Variants in CSMD1 observed in about 807,000 individuals in gnomAD.
CSMD1 encodes CUB and Sushi multiple domains 1, also known as CUB and sushi domain-containing protein 1.
Under a neutral mutation model 417.5 loss-of-function variants are expected in CSMD1, and 213 were observed. The ratio of observed to expected loss-of-function variants is 0.51; its 90% confidence interval spans 0.46 to 0.57. The LOEUF (loss-of-function observed/expected upper bound fraction) is 0.57, where lower values mean the gene tolerates loss of function less well. CSMD1 is among the 20% of genes least tolerant of loss of function. CSMD1 has a pLI of 0.00. For synonymous variants in CSMD1, 2,862 were observed against 1,736.8 expected, an observed-to-expected ratio of 1.65 and a Z score of -16.11; for missense variants, 6,923 against 4,529.7, an observed-to-expected ratio of 1.53 and a Z score of -15.17.
chr8:4,293,317 C>T (rs1222024638), intron 3 of CSMD1, among the ~76,000 whole-genome samples: 4 of 152,098 alleles, frequency 2.6e-5, no homozygotes, highest in East Asian at 1.9e-4. Flanking sequence ...GAGAAACTGA[C>T]GATGCTGAAA....
At chr8:3,669,848 C>T (rs774121453) in intron 7 of CSMD1, among the ~76,000 whole-genome samples, 6 of 152,096 alleles carry the variant, frequency 3.9e-5, no homozygotes, top group Middle Eastern at 3.2e-3. Context: ...TGATGTCAGC[C>T]ATGAACAGGA....
At chr8:4,214,976 G>A (rs553612764) in intron 3 of CSMD1, among the ~76,000 whole-genome samples, 2 of 152,252 alleles carry the variant, frequency 1.3e-5, no homozygotes, top group East Asian at 1.9e-4. Context: ...TACAGGCACA[G>A]CTTACTCTGT....
chr8:4,486,880 G>A (rs989002949), intron 2 of CSMD1, among the ~76,000 whole-genome samples: 1 of 152,110 alleles, frequency 6.6e-6, no homozygotes, highest in South Asian at 2.1e-4. Flanking sequence ...TTGCACCTAA[G>A]ATAAAAAGCA....
rs576218290 is a variant in CSMD1, at chr8:3,268,247, C to T, written c.4153+15897G>A. Reference sequence around the variant, plus strand: ...CATCATGCACACAATGAGGCCAGGGCGACTTTCTCCCATCAGGGTGTGGTC... The same window carrying T: ...CATCATGCACACAATGAGGCCAGGGTGACTTTCTCCCATCAGGGTGTGGTC... On this transcript the variant is annotated intron_variant, in intron 26 of 69. Coordinates refer to ENST00000635120, the MANE Select transcript of CSMD1 (RefSeq NM_033225.6). 7.6e-4 allele frequency among the ~76,000 whole-genome samples: 99 copies of T among 129,486 alleles called. No individual in the cohort carries two copies. In the East Asian group the frequency reaches 0.014, roughly 19 times the overall value. 84.9% of individuals were successfully genotyped at this position (129,486 alleles called of 152,430 possible).
At chr8:3,034,122 T>C (rs77631431) in intron 50 of CSMD1, among the ~76,000 whole-genome samples, 7 of 152,224 alleles carry the variant, frequency 4.6e-5, no homozygotes, top group Non-Finnish European at 1.0e-4. Flanking sequence ...GGCTGCCTGA[T>C]TGATACACCT....
Position 3,559,570 on chromosome 8 carries a change from A to G in CSMD1, c.1344+15375T>C, listed in dbSNP as rs144947196. Among the ~76,000 whole-genome samples the G allele has an allele frequency of 5.3e-3, 809 of 152,344 alleles. 5 individuals are homozygous for G. Among genetic ancestry groups the G allele is most frequent in the African/African-American group, 0.018 (754 of 41,582 alleles). On this transcript the variant is annotated intron_variant, in intron 10 of 69. Coordinates refer to ENST00000635120, the MANE Select transcript of CSMD1 (RefSeq NM_033225.6). ...GGAAAAGAATTGGGTTTTTGTGTTT[A>G]TAAACACAGAGATACAAGTCTTAAA...
intron 5 of CSMD1, among the ~76,000 whole-genome samples, chr8:3,944,920 C>A (rs758472247): frequency 4.6e-5 from 7 of 152,140 alleles, no homozygotes; most frequent in Non-Finnish European, 8.8e-5. Flanking sequence ...TTTCTGAACG[C>A]TGTCTCTCAC....
intron 3 of CSMD1, among the ~76,000 whole-genome samples, chr8:4,267,524 GC>G (rs1219729862): frequency 7.3e-5 from 11 of 151,652 alleles, no homozygotes; most frequent in Admixed American, 6.6e-4. Flanking sequence ...ATTGATCCCA[GC>G]TACACTGCAA....
At chr8:4,358,323 T>G (rs1413099746) in intron 3 of CSMD1, among the ~76,000 whole-genome samples, 1 of 152,232 alleles carries the variant, frequency 6.6e-6, no homozygotes, top group African/African-American at 2.4e-5. Context: ...GACAGCTGCC[T>G]AGTTTTGTAA....
chr8:3,718,174 G>C (rs1585126609), intron 6 of CSMD1, among the ~76,000 whole-genome samples: 1 of 152,164 alleles, frequency 6.6e-6, no homozygotes, highest in Non-Finnish European at 1.5e-5. Flanking sequence ...TACATTACGA[G>C]AAGCGAGTTG....
chr8:4,258,157 C>T (rs1803593601), intron 3 of CSMD1, among the ~76,000 whole-genome samples: 1 of 150,490 alleles, frequency 6.6e-6, no homozygotes. Context: ...GTTGTTCAGG[C>T]TGGTCTCAAA....
chr8:3,829,049 A>C (rs558692634), intron 5 of CSMD1, among the ~76,000 whole-genome samples: 1 of 151,762 alleles, frequency 6.6e-6, no homozygotes, highest in African/African-American at 2.4e-5. Flanking sequence ...TTTTTCCGTA[A>C]GTTACTGGGG....
rs991280602 is a variant in CSMD1, at chr8:4,227,672, C to G, written c.415+192281G>C. On this transcript the variant is annotated intron_variant, in intron 3 of 69. Coordinates refer to ENST00000635120, the MANE Select transcript of CSMD1 (RefSeq NM_033225.6). ...TTGCCAGTGATCCTCCTGGCAGACA[C>G]AGCCTCCATCCTACATTAAACCCCA... Among the ~76,000 whole-genome samples, 4 of 152,052 alleles carry G rather than the reference C, an allele frequency of 2.6e-5. No individual in the cohort carries two copies. In the East Asian group the frequency reaches 7.7e-4, roughly 29 times the overall value.
At chr8:4,357,317 A>C (rs1330072357) in intron 3 of CSMD1, among the ~76,000 whole-genome samples, 1 of 152,184 alleles carries the variant, frequency 6.6e-6, no homozygotes, top group Non-Finnish European at 1.5e-5. Flanking sequence ...TTTCCTCCTG[A>C]TATCATGCCT....
chr8:4,729,982 C>A (rs1809737199), intron 1 of CSMD1, among the ~76,000 whole-genome samples: 1 of 152,132 alleles, frequency 6.6e-6, no homozygotes, highest in Admixed American at 6.5e-5. Context: ...CAAATCACTT[C>A]TCCTCTCCCG....
chr8:3,383,163 A>T (rs1181074832), intron 18 of CSMD1, among the ~76,000 whole-genome samples: 1 of 152,206 alleles, frequency 6.6e-6, no homozygotes, highest in Non-Finnish European at 1.5e-5. Context: ...ATAAGTTTTT[A>T]CTTTTAGGGG....
chr8:3,819,493 T>C (rs973954382), intron 5 of CSMD1, among the ~76,000 whole-genome samples: 2 of 151,906 alleles, frequency 1.3e-5, no homozygotes, highest in African/African-American at 4.8e-5. Context: ...GCTCTTTCTA[T>C]TCTCCAAGAA....
intron 3 of CSMD1, among the ~76,000 whole-genome samples, chr8:4,038,591 T>G (rs1563349513): frequency 1.3e-5 from 2 of 152,210 alleles, no homozygotes; most frequent in Non-Finnish European, 2.9e-5. Flanking sequence ...CCAGAAGTAA[T>G]GAATACACAT....
At chr8:4,857,431 G>A (rs1449124963) in intron 1 of CSMD1, among the ~76,000 whole-genome samples, 5 of 152,090 alleles carry the variant, frequency 3.3e-5, no homozygotes, top group Admixed American at 2.6e-4. Context: ...CAGAACTGAA[G>A]GAAATAGAGA....
Sources: allele counts gnomAD v4.1 joint callset (sites outside exome capture counted in the v4.1 genomes callset), GRCh38; gene constraint gnomAD v4.1.1; transcripts MANE v1.5; gene names NCBI Gene and HGNC (gene_info 2026-07-23, HGNC 2026-07-21).